The following ABHD12 variants were observed in gnomAD, a reference collection of about 807,000 sequenced individuals.
ABHD12 encodes the protein lysophosphatidylserine lipase ABHD12.
ABHD12 carries 43 observed loss-of-function variants against 58.3 expected under a neutral mutation model. The ratio of observed to expected loss-of-function variants is 0.74; its 90% confidence interval spans 0.58 to 0.95. The LOEUF (loss-of-function observed/expected upper bound fraction) is 0.95, where lower values mean the gene tolerates loss of function less well. ABHD12 is among the 40% of genes least tolerant of loss of function. ABHD12 has a pLI of 0.00. For synonymous variants in ABHD12, 219 were observed against 211.2 expected, an observed-to-expected ratio of 1.04 and a Z score of -0.32; for missense variants, 539 against 537.2, an observed-to-expected ratio of 1.00 and a Z score of -0.03.
At chr20:25,359,816 C>T (rs1280380695) in intron 1 of ABHD12, among the ~76,000 whole-genome samples, 1 of 152,070 alleles carries the variant, frequency 6.6e-6, no homozygotes, top group Non-Finnish European at 1.5e-5. Context: ...GTGATCCTCC[C>T]ACCTCAGCCT....
chr20:25,314,998 G>T, intron 5 of ABHD12, 28 bp from the exon 6 acceptor site: 1 of 1,613,680 alleles, frequency 6.2e-7, no homozygotes. Context: ...AACATCTTTG[G>T]CAACAAATCC....
At chr20:25,294,821 A>G (rs2145904027) in exon 13 of ABHD12, 2 of 794,876 alleles carry the variant, frequency 2.5e-6, no homozygotes, top group South Asian at 2.8e-5. Context: ...CAGACTTTGT[A>G]AGGTTTGCAG....
rs551439056 is a variant in ABHD12, at chr20:25,315,283, G to A, written c.574-313C>T. 2.0e-4 allele frequency among the ~76,000 whole-genome samples: 31 copies of A among 152,114 alleles called. No individual in the cohort carries two copies. The South Asian group carries it at 4.0e-3, about 19-fold the overall frequency. ...CTCGTGCTGCAGGGCAGCCTCTGGG[G>A]CGGCCTCCTCTGGAGGCAGACAGCT... On this transcript the variant is annotated intron_variant, in intron 5 of 12. Coordinates refer to ENST00000339157, the MANE Select transcript of ABHD12 (RefSeq NM_001042472.3).
intron 1 of ABHD12, among the ~76,000 whole-genome samples, chr20:25,381,087 G>A (rs953343503): frequency 3.3e-5 from 5 of 152,086 alleles, no homozygotes; most frequent in South Asian, 2.1e-4. Flanking sequence ...GCCCCTAGCC[G>A]GTCTCCCTGC....
At chr20:25,336,081 G>A (rs2089363754) in intron 2 of ABHD12, among the ~76,000 whole-genome samples, 3 of 152,098 alleles carry the variant, frequency 2.0e-5, no homozygotes, top group Admixed American at 6.6e-5. Flanking sequence ...TTCTTGATCT[G>A]AAGGCAAATA....
intron 1 of ABHD12, among the ~76,000 whole-genome samples, chr20:25,360,546 G>A (rs1426768798): frequency 6.6e-6 from 1 of 151,870 alleles, no homozygotes; most frequent in Admixed American, 6.6e-5. Flanking sequence ...GGCCACACAT[G>A]TTACAGTCTT....
At chr20:25,339,586 A>G in intron 1 of ABHD12, 1 of 1,493,298 alleles carries the variant, frequency 6.7e-7, no homozygotes. Context: ...TTTTTCTTGA[A>G]AGACATAGAA....
At chr20:25,370,260 C>T (rs1249298245) in intron 1 of ABHD12, among the ~76,000 whole-genome samples, 1 of 152,136 alleles carries the variant, frequency 6.6e-6, no homozygotes, top group African/African-American at 2.4e-5. Flanking sequence ...TTCCCTACTC[C>T]CTCAGCTGGC....
At chr20:25,331,810 A>G (rs1041858184) in intron 2 of ABHD12, among the ~76,000 whole-genome samples, 2 of 152,224 alleles carry the variant, frequency 1.3e-5, no homozygotes, top group Non-Finnish European at 2.9e-5. Context: ...AGGATGCGCT[A>G]AACATGGAAA....
chr20:25,382,988 G>A (rs2090040496), intron 1 of ABHD12, among the ~76,000 whole-genome samples: 1 of 152,110 alleles, frequency 6.6e-6, no homozygotes. Context: ...CCCATGCCTT[G>A]TCACAGTCCT....
chr20:25,334,043 G>C (rs915156464), intron 2 of ABHD12, among the ~76,000 whole-genome samples: 17 of 152,040 alleles, frequency 1.1e-4, no homozygotes, highest in African/African-American at 4.1e-4. Context: ...TGACATGATG[G>C]TATATCTAGA....
At chr20:25,328,985 G>A (rs990939332) in intron 2 of ABHD12, among the ~76,000 whole-genome samples, 2 of 152,226 alleles carry the variant, frequency 1.3e-5, no homozygotes, top group Non-Finnish European at 2.9e-5. Context: ...AAAGTGAGAT[G>A]AGTGGTGAGA....
chr20:25,336,307 CTT>C lies in ABHD12; in HGVS notation c.316+2918_316+2919del, dbSNP rs11478147. On this transcript the variant is annotated intron_variant, in intron 2 of 12. Coordinates refer to ENST00000339157, the MANE Select transcript of ABHD12 (RefSeq NM_001042472.3). ...TTTCTTATTTATACTATTCAGGGTT[CTT>C]TTTTTTTTTAGCTAATTCTTTGTTT... Among the ~76,000 whole-genome samples, 1,036 of 149,290 alleles carry C rather than the reference CTT, an allele frequency of 6.9e-3. 15 individuals are homozygous for C. Among genetic ancestry groups the C allele is most frequent in the African/African-American group, 0.023 (961 of 41,014 alleles).
At chr20:25,347,361 C>A (rs2089533273) in intron 1 of ABHD12, among the ~76,000 whole-genome samples, 1 of 152,214 alleles carries the variant, frequency 6.6e-6, no homozygotes, top group South Asian at 2.1e-4. Context: ...GTCTTTAAAA[C>A]TGTACCAGGA....
chr20:25,338,908 G>A (rs2089415786), intron 2 of ABHD12: 2 of 1,164,604 alleles, frequency 1.7e-6, no homozygotes, highest in African/African-American at 1.6e-5. Flanking sequence ...AGATACGCTG[G>A]TCCCCCAGGG....
chr20:25,369,198 G>A (rs749255986), intron 1 of ABHD12, among the ~76,000 whole-genome samples: 12 of 152,094 alleles, frequency 7.9e-5, no homozygotes, highest in Non-Finnish European at 1.5e-4. Context: ...TTTCCCCAAT[G>A]GATTAGTAAT....
rs2088779772 is a variant in ABHD12 at position 25,308,136 on chromosome 20, AAGG to A, written c.788-94_788-92del. ...GCTCTGAGGGGCCCCCAGAAAGCAC[AAGG>A]AGACCACAGCGCCTCCCACCAGGCA... is the stretch of plus-strand genomic sequence containing the variant. On this transcript the variant is annotated intron_variant, in intron 8 of 12. Coordinates refer to ENST00000339157, the MANE Select transcript of ABHD12 (RefSeq NM_001042472.3). 3.2e-6 allele frequency: 3 copies of A among 927,394 alleles called. No individual in the cohort carries two copies. The South Asian group carries it at 3.9e-5, about 12-fold the overall frequency. The allele number at this position is 927,394 out of a possible 1,614,324, so 57.4% of individuals were successfully genotyped here. A position where few individuals can be genotyped will look rare whatever the true frequency, so the allele number is the denominator to read the frequency against.
chr20:25,306,745 A>G, intron 10 of ABHD12, 88 bp downstream of exon 10: 4 of 925,868 alleles, frequency 4.3e-6, no homozygotes, highest in South Asian at 1.4e-5. Flanking sequence ...ATTCCATCCT[A>G]TTTGATTACT....
At chr20:25,377,753 A>C (rs1360900880) in intron 1 of ABHD12, among the ~76,000 whole-genome samples, 4 of 152,202 alleles carry the variant, frequency 2.6e-5, no homozygotes, top group Admixed American at 6.5e-5. Flanking sequence ...GCTGGAGTAC[A>C]GTGGCGTGAT....
Sources: gnomAD v4.1 joint callset for allele counts (sites outside exome capture counted in the v4.1 genomes callset) on GRCh38, gnomAD v4.1.1 for gene constraint, MANE v1.5 for transcripts, NCBI Gene and HGNC (gene_info 2026-07-23, HGNC 2026-07-21) for gene names.